NEK10: variants seen among roughly 807,000 people sequenced by gnomAD.
The protein encoded by NEK10 is serine/threonine-protein kinase Nek10.
Under a neutral mutation model 159.8 loss-of-function variants are expected in NEK10, and 122 were observed. That is an observed-to-expected ratio of 0.76 (90% CI 0.66 to 0.89). NEK10 has a LOEUF of 0.89. Among genes scored for constraint, NEK10 ranks in the 40% least tolerant of loss-of-function variants. The pLI is 0.00. For missense variants in NEK10, 1,342 were observed against 1,323.1 expected (o/e 1.01, Z -0.22); for synonymous variants, 466 against 457.1 (o/e 1.02, Z -0.25).
chr3:27,193,036 A>G (rs1949247945), intron 25 of NEK10, among the ~76,000 whole-genome samples: 1 of 152,222 alleles, frequency 6.6e-6, no homozygotes, highest in African/African-American at 2.4e-5. Flanking sequence ...AAATGGGATA[A>G]TTATAGTACC....
chr3:27,299,032 AGCC>A (rs2043591114), intron 13 of NEK10, among the ~76,000 whole-genome samples: 2 of 152,242 alleles, frequency 1.3e-5, no homozygotes, highest in African/African-American at 4.8e-5. Flanking sequence ...AAGAAATTCA[AGCC>A]TGCTGCAGAA....
chr3:27,276,834 T>C (rs2041810583), intron 22 of NEK10, among the ~76,000 whole-genome samples: 1 of 152,148 alleles, frequency 6.6e-6, no homozygotes, highest in Non-Finnish European at 1.5e-5. Flanking sequence ...ATGACTTTCC[T>C]GGACAAAAGT....
chr3:27,143,338 G>C, intron 30 of NEK10: 1 of 573,426 alleles, frequency 1.7e-6, no homozygotes, highest in Non-Finnish European at 3.1e-6. Context: ...AACATTCATA[G>C]TTTATAGATT....
chr3:27,123,934 C>T (rs965433323), intron 32 of NEK10, among the ~76,000 whole-genome samples: 2 of 151,662 alleles, frequency 1.3e-5, no homozygotes, highest in Admixed American at 1.3e-4. Flanking sequence ...AAGAGTGATA[C>T]AAGATGAGGG....
chr3:27,365,001 A>G (rs939726484), intron 1 of NEK10, among the ~76,000 whole-genome samples: 3 of 152,196 alleles, frequency 2.0e-5, no homozygotes, highest in Non-Finnish European at 2.9e-5. Flanking sequence ...CACAGCTGGT[A>G]AGTGGCAGAG....
chr3:27,304,678 C>T, intron 12 of NEK10, 69 bp downstream of exon 12: 2 of 965,092 alleles, frequency 2.1e-6, no homozygotes, highest in Non-Finnish European at 3.3e-6. Context: ...CACCAATCTG[C>T]CATCTTGTCA....
At chr3:27,131,760 C>G (rs370563556) in intron 32 of NEK10, 120 bp downstream of exon 32, 7 of 454,410 alleles carry the variant, frequency 1.5e-5, no homozygotes, top group African/African-American at 2.0e-5. Context: ...GTATGTAAAG[C>G]AGCAATAAGA....
chr3:27,311,951 T>A, intron 8 of NEK10, 148 bp downstream of exon 8: 1 of 644,430 alleles, frequency 1.6e-6, no homozygotes, highest in South Asian at 1.8e-5. Context: ...TGCCACTGAA[T>A]ATAACAATTG....
intron 1 of NEK10, among the ~76,000 whole-genome samples, chr3:27,361,552 T>G (rs1323283958): frequency 2.6e-5 from 4 of 152,210 alleles, no homozygotes; most frequent in African/African-American, 9.7e-5. Flanking sequence ...AGAATTATAT[T>G]TATTCATTAC....
At chr3:27,216,242 GAA>G (rs1951516352) in intron 23 of NEK10, 1 of 215,344 alleles carries the variant, frequency 4.6e-6, no homozygotes, top group Admixed American at 5.8e-5. Context: ...AATAGTCAAA[GAA>G]AAGACAAATA....
intron 30 of NEK10, among the ~76,000 whole-genome samples, chr3:27,149,537 C>T (rs1209948877): frequency 2.5e-4 from 38 of 152,058 alleles, no homozygotes; most frequent in Admixed American, 2.1e-3. Flanking sequence ...TCTGTGATGA[C>T]GGATCCTGCA....
At chr3:27,249,532 T>C (rs1185220661) in intron 23 of NEK10, among the ~76,000 whole-genome samples, 2 of 152,200 alleles carry the variant, frequency 1.3e-5, no homozygotes, top group South Asian at 2.1e-4. Context: ...CTGATATAAG[T>C]ATAGCTACTT....
At chr3:27,366,533 T>C (rs554626810) in intron 1 of NEK10, among the ~76,000 whole-genome samples, 12 of 152,206 alleles carry the variant, frequency 7.9e-5, no homozygotes, top group Non-Finnish European at 1.8e-4. Flanking sequence ...CAGGCCCTTC[T>C]TCCACCTCCT....
intron 7 of NEK10, among the ~76,000 whole-genome samples, chr3:27,313,427 CTATT>C (rs1351855227): frequency 1.3e-5 from 2 of 152,072 alleles, no homozygotes; most frequent in Admixed American, 6.6e-5. Context: ...TCTTTGTCAT[CTATT>C]TATTAGTATT....
At chr3:27,305,595 T>A (rs1471888924) in intron 11 of NEK10, among the ~76,000 whole-genome samples, 2 of 143,772 alleles carry the variant, frequency 1.4e-5, no homozygotes, top group Non-Finnish European at 3.0e-5. Context: ...AACAATGACA[T>A]CTGCATTGTG....
chr3:27,130,298 C>T (rs553438570), intron 32 of NEK10, among the ~76,000 whole-genome samples: 65 of 152,278 alleles, frequency 4.3e-4, no homozygotes, highest in African/African-American at 1.5e-3. Flanking sequence ...GCTTCCCAAA[C>T]ATCTCCTACC....
chr3:27,284,702 C>T lies in NEK10; in HGVS notation c.1914G>A (p.Leu638=), dbSNP rs780171465. 6.2e-7 allele frequency: 1 copy of T among 1,602,084 alleles called. No homozygotes were observed. The highest frequency in any genetic ancestry group is 1.3e-5 in the African/African-American group (1 of 74,800). The change falls in exon 22 of 36, where the codon CTG becomes CTA. Residue 638 remains leucine (L), a splice_region_variant and synonymous_variant. Transcript: ENST00000691995. ...EERLWKIFIQ[L]CLALRYLHKE... ...TGTGTAAGTATCGAAGAGCTAAGCACAGCTTGAAACAATGAATAGAAAACA... is the reference window on the plus strand; with the variant it reads ...TGTGTAAGTATCGAAGAGCTAAGCATAGCTTGAAACAATGAATAGAAAACA...
chr3:27,357,908 T>TA (rs879657113), intron 1 of NEK10, among the ~76,000 whole-genome samples: 1 of 152,096 alleles, frequency 6.6e-6, no homozygotes, highest in East Asian at 1.9e-4. Context: ...GCCAAGCAGT[T>TA]AAAGCTCAAG....
chr3:27,229,087 TTAAA>T (rs1474280354), intron 23 of NEK10, among the ~76,000 whole-genome samples: 18 of 152,068 alleles, frequency 1.2e-4, no homozygotes, highest in Admixed American at 2.6e-4. Flanking sequence ...TAGGGGAAAA[TTAAA>T]TAAATAAATA....
Sources: gnomAD v4.1 joint callset for allele counts (sites outside exome capture counted in the v4.1 genomes callset) on GRCh38, gnomAD v4.1.1 for gene constraint, MANE v1.5 for transcripts, NCBI Gene and HGNC (gene_info 2026-07-23, HGNC 2026-07-21) for gene names.